Variants in MTMR1 observed in about 807,000 individuals in gnomAD.
The protein encoded by MTMR1 is myotubularin related protein 1, also known as phosphatidylinositol-3-phosphate phosphatase MTMR1.
MTMR1 carries 17 observed loss-of-function variants against 51.6 expected under a neutral mutation model. That is an observed-to-expected ratio of 0.33 (90% CI 0.23 to 0.49). The LOEUF (loss-of-function observed/expected upper bound fraction) is 0.49. Among genes scored for constraint, MTMR1 ranks in the 20% least tolerant of loss-of-function variants. The pLI is 0.99. For missense variants in MTMR1, 386 were observed against 526.9 expected (o/e 0.73, Z 2.62); for synonymous variants, 201 against 205.6 (o/e 0.98, Z 0.19).
intron 1 of MTMR1, among the ~76,000 whole-genome samples, chrX:150,697,936 A>G (rs2040738368): frequency 9.0e-6 from 1 of 111,208 alleles, no homozygotes; most frequent in Non-Finnish European, 1.9e-5. Flanking sequence ...CTGTGCCTCG[A>G]TTTTCTCTCC....
At chrX:150,724,155 A>G (rs1172018940) in intron 4 of MTMR1, among the ~76,000 whole-genome samples, 2 of 111,617 alleles carry the variant, frequency 1.8e-5, no homozygotes, top group African/African-American at 3.3e-5. Context: ...AGGAATCACC[A>G]CACTGCTTTC....
chrX:150,715,422 G>A (rs2041473668), intron 3 of MTMR1, among the ~76,000 whole-genome samples: 1 of 112,186 alleles, frequency 8.9e-6, no homozygotes, highest in Non-Finnish European at 1.9e-5. Context: ...AACACTTTGA[G>A]CCATGGCACC....
chrX:150,740,673 C>A (rs1489625178), intron 12 of MTMR1, among the ~76,000 whole-genome samples: 1 of 111,658 alleles, frequency 9.0e-6, no homozygotes, highest in Non-Finnish European at 1.9e-5. Context: ...CAATGGAATA[C>A]CTGAGGCTGG....
chrX:150,732,164 C>T (rs782707108), intron 9 of MTMR1, among the ~76,000 whole-genome samples: 86 of 111,656 alleles, frequency 7.7e-4, no homozygotes, highest in African/African-American at 2.7e-3. Context: ...TTCACTTTGT[C>T]CTTACCCTGC....
intron 14 of MTMR1, among the ~76,000 whole-genome samples, chrX:150,752,027 C>T (rs2042755422): frequency 9.6e-6 from 1 of 103,981 alleles, no homozygotes; most frequent in African/African-American, 3.6e-5. Context: ...AGTGATTCTC[C>T]TGCCGCAGCC....
chrX:150,735,395 G>T, intron 10 of MTMR1: 1 of 470,847 alleles, frequency 2.1e-6, no homozygotes, highest in South Asian at 3.2e-5. Context: ...TTTTGTTGAG[G>T]ATATTTGCAT....
chrX:150,718,071 G>C (rs1411691650), intron 3 of MTMR1, among the ~76,000 whole-genome samples: 5 of 111,269 alleles, frequency 4.5e-5, no homozygotes, highest in African/African-American at 1.6e-4. Flanking sequence ...AGCACACACA[G>C]ACACACACAC....
intron 15 of MTMR1, among the ~76,000 whole-genome samples, chrX:150,761,584 C>T (rs2043132895): frequency 8.9e-6 from 1 of 112,816 alleles, no homozygotes; most frequent in Non-Finnish European, 1.9e-5. Flanking sequence ...GTTAAGTGGC[C>T]AGTCACATGG....
Position 150,762,650 on chromosome X carries a change from C to G in MTMR1, c.1943C>G (p.Ala648Gly), listed in dbSNP as rs1557418091. Residue 648 changes from alanine (A) to glycine (G), a missense_variant, in exon 16 of 16, where the codon GCC (alanine) becomes GGC (glycine). Coordinates refer to ENST00000445323, the MANE Select transcript of MTMR1 (RefSeq NM_001306144.3). ...KRVEGLQREV[A>G]TRAVSSSSER... The stretch of plus-strand genomic sequence containing the variant: ...GTGGAGGGCCTACAGCGGGAGGTGG[C>G]CACGCGCGCCGTCTCATCCTCATCT... The G allele has an allele frequency of 8.3e-7, 1 of 1,209,722 alleles. No homozygotes were observed. The highest frequency in any genetic ancestry group is 1.7e-5 in the African/African-American group (1 of 57,748).
chrX:150,697,424 T>A (rs1373701203), intron 1 of MTMR1, among the ~76,000 whole-genome samples: 2 of 111,751 alleles, frequency 1.8e-5, no homozygotes, highest in Non-Finnish European at 3.8e-5. Context: ...TATGTGAGTG[T>A]GGGTTTAATT....
chrX:150,760,943 A>G (rs201050558), intron 15 of MTMR1, among the ~76,000 whole-genome samples: 9,390 of 108,950 alleles, frequency 0.086, 491 homozygotes, highest in African/African-American at 0.18. Flanking sequence ...AAAAAAAAAA[A>G]AAAAAGAAAA....
chrX:150,706,422 G>A (rs988548118), intron 2 of MTMR1, among the ~76,000 whole-genome samples: 2 of 112,134 alleles, frequency 1.8e-5, no homozygotes, highest in Middle Eastern at 4.6e-3. Context: ...TGTGGTTTTT[G>A]TTGTTGCTGT....
chrX:150,755,887 CATGA>C, intron 15 of MTMR1, 22 bp downstream of exon 15: 1 of 1,156,286 alleles, frequency 8.6e-7, no homozygotes, highest in Non-Finnish European at 1.2e-6. Context: ...TTTTTCTTTT[CATGA>C]ATGAGAGAGT....
At position 150,731,809 on chromosome X, in the gene MTMR1, C is replaced by T. The variant is rs931344451; in HGVS notation, c.891+190C>T. On this transcript the variant is annotated intron_variant, in intron 9 of 15. Coordinates refer to ENST00000445323, the MANE Select transcript of MTMR1 (RefSeq NM_001306144.3). ...AACAATCTGTTTGCTATGACTCCCT[C>T]TTTTACGATTTCCTATAACTAAGTA... Among the ~76,000 whole-genome samples the T allele has an allele frequency of 5.4e-5, 6 of 112,066 alleles. No individual in the cohort carries two copies. The Admixed American group carries it at 5.7e-4, about 11-fold the overall frequency.
At chrX:150,714,624 C>T (rs1178902822) in intron 3 of MTMR1, 1 of 619,460 alleles carries the variant, frequency 1.6e-6, no homozygotes, top group East Asian at 9.5e-5. Flanking sequence ...CAAAGCTTTC[C>T]AGATGCCTCT....
chrX:150,740,136 C>T (rs782327255), intron 12 of MTMR1, among the ~76,000 whole-genome samples: 50 of 111,634 alleles, frequency 4.5e-4, no homozygotes, highest in Non-Finnish European at 1.1e-4. Context: ...GACCCCACAG[C>T]CCTCCTCAGC....
intron 15 of MTMR1, among the ~76,000 whole-genome samples, chrX:150,761,946 AGGTGAGGCCTTGC>A (rs1157982657): frequency 8.9e-6 from 1 of 112,192 alleles, no homozygotes; most frequent in Admixed American, 9.3e-5. Flanking sequence ...AGCTAATTAA[AGGTGAGGCCTTGC>A]GGTGATGCTG....
At chrX:150,723,323 A>G (rs1427981816) in intron 4 of MTMR1, among the ~76,000 whole-genome samples, 1 of 111,264 alleles carries the variant, frequency 9.0e-6, no homozygotes, top group Non-Finnish European at 1.9e-5. Flanking sequence ...TAACGTGTGC[A>G]TGTGTCTTTA....
At position 150,693,560 on chromosome X, in the gene MTMR1, G is replaced by A. The variant is rs1211053113; in HGVS notation, c.30G>A (p.Ala10=). 1.1e-4 allele frequency: 87 copies of A among 759,029 alleles called. No homozygotes were observed. Among genetic ancestry groups the A allele is most frequent in the Non-Finnish European group, 1.3e-4 (85 of 643,771 alleles). 62.6% of individuals were successfully genotyped at this position (759,029 alleles called of 1,213,427 possible). A position where few individuals can be genotyped will look rare whatever the true frequency, so the allele number is the denominator to read the frequency against. The part of the protein sequence containing the change: MDRPAAAAA[A]GCEGGGGPNP... The stretch of plus-strand genomic sequence containing the variant: ...ACAGGCCGGCGGCGGCGGCGGCGGC[G>A]GGCTGCGAGGGCGGCGGGGGCCCGA... The change falls in exon 1 of 16, where the codon GCG becomes GCA. Residue 10 remains alanine (A), a synonymous_variant. Transcript: ENST00000445323.
Sources: gnomAD v4.1 joint callset for allele counts (sites outside exome capture counted in the v4.1 genomes callset) on GRCh38, gnomAD v4.1.1 for gene constraint, MANE v1.5 for transcripts, NCBI Gene and HGNC (gene_info 2026-07-23, HGNC 2026-07-21) for gene names.